The following GRIN2A variants were observed in gnomAD, a reference collection of about 807,000 sequenced individuals.
GRIN2A encodes the protein glutamate receptor ionotropic, NMDA 2A.
GRIN2A carries 22 observed loss-of-function variants against 113.4 expected under a neutral mutation model. The observed-to-expected ratio is 0.19, with a 90% CI of 0.14 to 0.28. The LOEUF (loss-of-function observed/expected upper bound fraction) is 0.28, where lower values mean the gene tolerates loss of function less well. Among genes scored for constraint, GRIN2A ranks in the 10% least tolerant of loss-of-function variants. The probability of loss-of-function intolerance (pLI) is 1.00; values close to 1 mark genes in which losing one functional copy is unlikely to be tolerated. For missense variants in GRIN2A, 1,502 were observed against 1,887.0 expected, an observed-to-expected ratio of 0.80 and a Z score of 3.78; for synonymous variants, 827 against 738.4, an observed-to-expected ratio of 1.12 and a Z score of -1.94.
In GRIN2A at chr16:9,756,674, A is replaced by T. The variant is rs78377517; in HGVS notation, c.*6475T>A. On this transcript the variant is annotated 3_prime_UTR_variant, in exon 13 of 13. Coordinates refer to ENST00000330684, the MANE Select transcript of GRIN2A (RefSeq NM_001134407.3). ...ATCTTAAGGTTGTTTTGAGGATCAC[A>T]TTCTAGGATATGCCTAGAATATCGC... 859 of 190,008 alleles carry T rather than the reference A, an allele frequency of 4.5e-3. 2 individuals are homozygous for T. Among genetic ancestry groups the T allele is most frequent in the Non-Finnish European group, 7.1e-3 (641 of 90,456 alleles). 11.8% of individuals were successfully genotyped at this position (190,008 alleles called of 1,614,324 possible).
chr16:9,823,397 A>C (rs1447027408), intron 9 of GRIN2A, among the ~76,000 whole-genome samples: 2 of 152,198 alleles, frequency 1.3e-5, no homozygotes, highest in Non-Finnish European at 2.9e-5. Context: ...CCATCTGTAG[A>C]GTGGGGGGCC....
At chr16:10,105,158 A>AGAAGCCTGGG (rs2048473287) in intron 2 of GRIN2A, among the ~76,000 whole-genome samples, 3 of 114,636 alleles carry the variant, frequency 2.6e-5, no homozygotes, top group African/African-American at 1.0e-4. Context: ...AGAAGCCTGG[A>AGAAGCCTGGG]GAAGCCTGGG....
At chr16:9,867,457 A>G (rs745346194) in intron 4 of GRIN2A, among the ~76,000 whole-genome samples, 1 of 152,012 alleles carries the variant, frequency 6.6e-6, no homozygotes, top group Non-Finnish European at 1.5e-5. Flanking sequence ...CTCTGCACAC[A>G]TGTCTTTCTT....
At chr16:9,832,210 C>T (rs2042509643) in intron 8 of GRIN2A, among the ~76,000 whole-genome samples, 1 of 151,940 alleles carries the variant, frequency 6.6e-6, no homozygotes, top group African/African-American at 2.4e-5. Context: ...CCTGCCTTGG[C>T]CTCAAAAAGC....
intron 2 of GRIN2A, among the ~76,000 whole-genome samples, chr16:10,134,034 A>T (rs1056332574): frequency 6.6e-6 from 1 of 151,882 alleles, no homozygotes; most frequent in Non-Finnish European, 1.5e-5. Flanking sequence ...GAAAAAAAAA[A>T]TACAAAAACA....
intron 2 of GRIN2A, among the ~76,000 whole-genome samples, chr16:10,149,275 C>CA (rs767400549): frequency 1.3e-5 from 2 of 152,198 alleles, no homozygotes; most frequent in Non-Finnish European, 2.9e-5. Flanking sequence ...ATGGATATCA[C>CA]ATTTACCCTG....
At chr16:9,862,321 AT>A (rs1334782048) in intron 4 of GRIN2A, among the ~76,000 whole-genome samples, 5 of 152,046 alleles carry the variant, frequency 3.3e-5, no homozygotes, top group South Asian at 2.1e-4. Flanking sequence ...GGAGAAGTAG[AT>A]TTTTTTTCCT....
At position 10,132,340 on chromosome 16, in the gene GRIN2A, C is replaced by CAAAAAAAAAAAAAAAAAAAAAAA. The variant is rs71402435; in HGVS notation, c.414+47657_414+47658insTTTTTTTTTTTTTTTTTTTTTTT. On this transcript the variant is annotated intron_variant, in intron 2 of 12. Transcript: ENST00000330684. ...GAATGAGCAGAACAAGACACCGTCT[C>CAAAAAAAAAAAAAAAAAAAAAAA]AAAAAAAAAAAAAAAAAAGATGTGA... Among the ~76,000 whole-genome samples the CAAAAAAAAAAAAAAAAAAAAAAA allele has an allele frequency of 2.2e-3, 134 of 61,428 alleles. 1 individual carries two copies. Among genetic ancestry groups the CAAAAAAAAAAAAAAAAAAAAAAA allele is most frequent in the East Asian group, 5.9e-3 (8 of 1,366 alleles). The allele number at this position is 61,428 out of a possible 152,430, so 40.3% of individuals were successfully genotyped here.
chr16:10,063,385 T>C (rs1179894653), intron 2 of GRIN2A, among the ~76,000 whole-genome samples: 1 of 152,190 alleles, frequency 6.6e-6, no homozygotes, highest in African/African-American at 2.4e-5. Context: ...AATTTAAAAA[T>C]GGGTTAGAAT....
intron 8 of GRIN2A, among the ~76,000 whole-genome samples, chr16:9,832,259 C>A (rs1252067027): frequency 1.3e-5 from 2 of 152,012 alleles, no homozygotes; most frequent in African/African-American, 4.8e-5. Flanking sequence ...CCCCCTCAGC[C>A]TTTTTCTGTT....
chr16:9,874,123 C>T (rs2043319250), intron 4 of GRIN2A, among the ~76,000 whole-genome samples: 1 of 152,192 alleles, frequency 6.6e-6, no homozygotes, highest in South Asian at 2.1e-4. Flanking sequence ...CAAGATGGCT[C>T]AGCCTCTACT....
chr16:9,769,451 C>CTTTTTTTTTTTTTTTTTTTTTGT (rs34847596), intron 11 of GRIN2A, among the ~76,000 whole-genome samples: 4 of 104,888 alleles, frequency 3.8e-5, no homozygotes, highest in Non-Finnish European at 5.8e-5. Flanking sequence ...GGAGTTTTGT[C>CTTTTTTTTTTTTTTTTTTTTTGT]TTTTTTTTTT....
chr16:10,180,827 A>C lies in GRIN2A; in HGVS notation c.-18-398T>G. 1 of 256,252 alleles carries C rather than the reference A, an allele frequency of 3.9e-6. No individual in the cohort carries two copies. Among genetic ancestry groups the C allele is most frequent in the Non-Finnish European group, 7.6e-6 (1 of 131,558 alleles). 15.9% of individuals were successfully genotyped at this position (256,252 alleles called of 1,614,324 possible). On this transcript the variant is annotated intron_variant, in intron 1 of 12. Transcript: ENST00000330684. This position sits in a 1 kb window ranked among gnomAD's most constrained non-coding sequence, Gnocchi z 7.0. ...GGTGCACAGAATAAACCCTCCATCCAACCCCTCCCACCTGGGATAGAGAGG... is the reference window on the plus strand; with the variant it reads ...GGTGCACAGAATAAACCCTCCATCCCACCCCTCCCACCTGGGATAGAGAGG...
rs61758995 is a variant in GRIN2A at position 9,764,316 on chromosome 16, G to C, written c.3228C>G (p.Asn1076Lys). Residue 1076 changes from asparagine (N) to lysine (K), a missense_variant, in exon 13 of 13, where the codon AAC becomes AAG. Asn to Lys is a moderately conservative substitution (Grantham distance 94, BLOSUM62 0). Around this residue, in one of 7 missense-constraint regions of GRIN2A, gnomAD observed 832 missense variants for 789.7 expected, o/e 1.05. Coordinates refer to ENST00000330684, the MANE Select transcript of GRIN2A (RefSeq NM_001134407.3). ...TGTCCTTGGTTTTGTGGTTCTTACT[G>C]TTGTCAGGTTCCCTGTGGCACGTGG... The part of the protein sequence containing the change: ...NRATCHREPD[N>K]SKNHKTKDNF... 6 of 1,614,122 alleles carry C rather than the reference G, an allele frequency of 3.7e-6. No homozygotes were observed. Among genetic ancestry groups the C allele is most frequent in the Non-Finnish European group, 5.1e-6 (6 of 1,180,012 alleles).
At chr16:10,004,837 GT>G (rs2046378408) in intron 2 of GRIN2A, among the ~76,000 whole-genome samples, 1 of 152,084 alleles carries the variant, frequency 6.6e-6, no homozygotes, top group African/African-American at 2.4e-5. Context: ...AGCCCCTTTT[GT>G]CATGTAAGGT....
At chr16:9,969,480 C>T (rs762711586) in intron 2 of GRIN2A, among the ~76,000 whole-genome samples, 17 of 152,054 alleles carry the variant, frequency 1.1e-4, no homozygotes, top group Non-Finnish European at 2.2e-4. Context: ...AAATATATGC[C>T]AATGCCTTCC....
chr16:9,800,914 G>A (rs1295671286), intron 10 of GRIN2A, among the ~76,000 whole-genome samples: 2 of 152,168 alleles, frequency 1.3e-5, no homozygotes, highest in Non-Finnish European at 2.9e-5. Flanking sequence ...AAGGTCAAAA[G>A]TAACTTGTGT....
At chr16:9,785,955 G>C (rs1902207332) in intron 11 of GRIN2A, among the ~76,000 whole-genome samples, 1 of 152,180 alleles carries the variant, frequency 6.6e-6, no homozygotes, top group Non-Finnish European at 1.5e-5. Context: ...TCGATGACTA[G>C]AAGGGAGAAT....
chr16:10,176,920 T>G (rs2050159753), intron 2 of GRIN2A, among the ~76,000 whole-genome samples: 1 of 152,200 alleles, frequency 6.6e-6, no homozygotes, highest in East Asian at 1.9e-4. Context: ...CCAAATTGAC[T>G]ACTATTCTTA....
Sources: gnomAD v4.1 joint callset for allele counts (sites outside exome capture counted in the v4.1 genomes callset) on GRCh38, gnomAD v4.1.1 for gene constraint, gnomAD v4.1.1 regional missense constraint, Gnocchi (gnomAD v3.1) non-coding constraint, MANE v1.5 for transcripts, NCBI Gene and HGNC (gene_info 2026-07-23, HGNC 2026-07-21) for gene names.